UBTD2: variants seen among roughly 807,000 people sequenced by gnomAD.
UBTD2 encodes ubiquitin domain-containing protein 2.
In UBTD2, 9 loss-of-function variants were observed where a neutral mutation model predicts 19.8. The ratio of observed to expected loss-of-function variants is 0.46; its 90% CI spans 0.27 to 0.79. The LOEUF is 0.79. Among genes scored for constraint, UBTD2 ranks in the 30% least tolerant of loss-of-function variants. UBTD2 has a pLI of 0.14. For missense variants in UBTD2, 250 were observed against 300.4 expected (o/e 0.83, Z 1.24); for synonymous variants, 98 against 103.9 (o/e 0.94, Z 0.35).
intron 1 of UBTD2, among the ~76,000 whole-genome samples, chr5:172,268,992 C>CT (rs1472983538): frequency 6.6e-6 from 1 of 152,038 alleles, no homozygotes; most frequent in Non-Finnish European, 1.5e-5. Flanking sequence ...AACAGCTTTA[C>CT]TTTTAAGAGA....
rs1243183039 is a variant in UBTD2 at position 172,283,015 on chromosome 5, C to T, written c.70+581G>A. Among the ~76,000 whole-genome samples, 1 of 152,148 alleles carries T rather than the reference C, an allele frequency of 6.6e-6. No individual in the cohort carries two copies. Among genetic ancestry groups the T allele is most frequent in the Admixed American group, 6.5e-5 (1 of 15,268 alleles). On this transcript the variant is annotated intron_variant, in intron 1 of 2. Transcript: ENST00000393792. The surrounding 1 kb of genome is among the most constrained non-coding windows in gnomAD (Gnocchi z 4.3). ...ACGTTTTACCCGGGAAGACCGTTTCCCCACCCCTCCTTAATACAATGCCTG... is the reference window on the plus strand; with the variant it reads ...ACGTTTTACCCGGGAAGACCGTTTCTCCACCCCTCCTTAATACAATGCCTG...
chr5:172,272,424 A>AG (rs1483229886), intron 1 of UBTD2, among the ~76,000 whole-genome samples: 3 of 152,194 alleles, frequency 2.0e-5, no homozygotes, highest in Admixed American at 6.5e-5. Flanking sequence ...GCGAGGGATG[A>AG]GGGGCATGGG....
chr5:172,222,224 C>T (rs1771665408), intron 2 of UBTD2, among the ~76,000 whole-genome samples: 2 of 152,306 alleles, frequency 1.3e-5, no homozygotes, highest in African/African-American at 2.4e-5. Flanking sequence ...GTGGCCTAGA[C>T]TCTTGAACAA....
At chr5:172,234,901 ATCTC>A (rs1469517208) in intron 1 of UBTD2, among the ~76,000 whole-genome samples, 1 of 70,232 alleles carries the variant, frequency 1.4e-5, no homozygotes, top group African/African-American at 5.7e-5. Context: ...GTGAAACCTC[ATCTC>A]AAACAAAACA....
intron 1 of UBTD2, among the ~76,000 whole-genome samples, chr5:172,267,422 C>A (rs772998730): frequency 5.3e-5 from 8 of 152,204 alleles, no homozygotes; most frequent in Non-Finnish European, 2.9e-5. Context: ...GGCATGTATA[C>A]ATCCAGTCCC....
chr5:172,233,809 T>A (rs1026324916), intron 2 of UBTD2, among the ~76,000 whole-genome samples: 2 of 3,444 alleles, frequency 5.8e-4, no homozygotes, highest in Non-Finnish European at 1.1e-3. Flanking sequence ...GCTGGTGAGG[T>A]GGGGGTGGGA....
intron 1 of UBTD2, among the ~76,000 whole-genome samples, chr5:172,252,763 G>T (rs1040137316): frequency 4.6e-5 from 7 of 151,982 alleles, no homozygotes; most frequent in Admixed American, 1.3e-4. Flanking sequence ...TCCTTTAATG[G>T]GTTTTTGCAG....
intron 2 of UBTD2, among the ~76,000 whole-genome samples, chr5:172,230,971 G>C (rs1196272515): frequency 6.6e-6 from 1 of 152,126 alleles, no homozygotes; most frequent in Non-Finnish European, 1.5e-5. Flanking sequence ...TTTTAGTAGA[G>C]ACGGGGTTTC....
chr5:172,254,599 C>T lies in UBTD2; in HGVS notation c.71-20241G>A, dbSNP rs936519941. The T allele has an allele frequency of 1.2e-5, 8 of 644,954 alleles. 1 individual carries two copies. Among genetic ancestry groups the T allele is most frequent in the Non-Finnish European group, 1.9e-5 (7 of 360,862 alleles). 40.0% of individuals were successfully genotyped at this position (644,954 alleles called of 1,614,324 possible). A position where few individuals can be genotyped will look rare whatever the true frequency, so the allele number is the denominator to read the frequency against. ...TGTGCTTTCAAGTGGGAGCTTTTAG[C>T]GTACACTTTGTTGCATCCATCGTAA... is the stretch of plus-strand genomic sequence containing the variant. On this transcript the variant is annotated intron_variant, in intron 1 of 2. Coordinates refer to ENST00000393792, the MANE Select transcript of UBTD2 (RefSeq NM_152277.3).
intron 1 of UBTD2, among the ~76,000 whole-genome samples, chr5:172,250,177 A>G (rs1003623673): frequency 1.3e-5 from 2 of 152,094 alleles, no homozygotes; most frequent in African/African-American, 2.4e-5. Context: ...GAGCCGAGAT[A>G]GCACCACTGC....
chr5:172,281,567 AG>A (rs1755717667), intron 1 of UBTD2, among the ~76,000 whole-genome samples: 1 of 152,176 alleles, frequency 6.6e-6, no homozygotes, highest in African/African-American at 2.4e-5. Context: ...TTGAAAAGCT[AG>A]GGATCTGTGC....
chr5:172,221,759 T>A (rs1771656395), intron 2 of UBTD2, among the ~76,000 whole-genome samples: 1 of 152,160 alleles, frequency 6.6e-6, no homozygotes, highest in Admixed American at 6.5e-5. Context: ...CTACTCTGTA[T>A]GATACTATTA....
chr5:172,252,097 T>C (rs1205272873), intron 1 of UBTD2, among the ~76,000 whole-genome samples: 3 of 152,226 alleles, frequency 2.0e-5, no homozygotes, highest in Non-Finnish European at 2.9e-5. Context: ...CTAAACAGTA[T>C]AACAGGGATT....
intron 1 of UBTD2, among the ~76,000 whole-genome samples, chr5:172,240,371 TA>T (rs564631344): frequency 6.6e-6 from 1 of 152,218 alleles, no homozygotes; most frequent in South Asian, 2.1e-4. Flanking sequence ...ATAATTTTAT[TA>T]AAAATGAAAT....
At chr5:172,271,854 C>T in intron 1 of UBTD2, among the ~76,000 whole-genome samples, 1 of 152,126 alleles carries the variant, frequency 6.6e-6, no homozygotes, top group East Asian at 1.9e-4. Context: ...AATAGTCTCA[C>T]CTTGCTTATA....
intron 1 of UBTD2, among the ~76,000 whole-genome samples, chr5:172,242,991 C>T (rs2113035541): frequency 6.6e-6 from 1 of 152,214 alleles, no homozygotes; most frequent in South Asian, 2.1e-4. Context: ...CACATTGTCT[C>T]CTTCAAATTG....
intron 1 of UBTD2, among the ~76,000 whole-genome samples, chr5:172,251,626 G>GA (rs60201763): frequency 0.13 from 17,883 of 142,114 alleles, 1,182 homozygotes; most frequent in Middle Eastern, 0.18. Flanking sequence ...AAAGTGCAAT[G>GA]AAAAAAAAAA....
At chr5:172,229,704 T>C (rs945265339) in intron 2 of UBTD2, among the ~76,000 whole-genome samples, 1 of 152,130 alleles carries the variant, frequency 6.6e-6, no homozygotes, top group African/African-American at 2.4e-5. Context: ...AAATCTTCTA[T>C]ATCATAATTA....
chr5:172,224,786 G>T (rs111439460), intron 2 of UBTD2, among the ~76,000 whole-genome samples: 2 of 152,078 alleles, frequency 1.3e-5, no homozygotes, highest in Admixed American at 6.6e-5. Flanking sequence ...CTAGTCTCCG[G>T]CAGTTCTTTA....
Sources: allele counts gnomAD v4.1 joint callset (sites outside exome capture counted in the v4.1 genomes callset), GRCh38; gene constraint gnomAD v4.1.1; non-coding constraint Gnocchi (gnomAD v3.1); transcripts MANE v1.5; gene names NCBI Gene and HGNC (gene_info 2026-07-23, HGNC 2026-07-21).